Variants in ALDH2 observed in about 807,000 individuals in gnomAD.
ALDH2 encodes the protein aldehyde dehydrogenase, mitochondrial.
A neutral mutation model predicts 59.6 loss-of-function variants in ALDH2; 44 were observed. That is an observed-to-expected ratio of 0.74 (90% CI 0.58 to 0.95). The LOEUF is 0.95. Ranked by LOEUF, ALDH2 falls within the 40% of genes least tolerant of loss-of-function variation. The pLI is 0.00. For synonymous variants in ALDH2, 291 were observed against 284.0 expected (o/e 1.02, Z -0.25); for missense variants, 570 against 696.3 (o/e 0.82, Z 2.04).
chr12:111,792,806 T>G, intron 9 of ALDH2, 24 bp downstream of exon 9: 1 of 1,538,424 alleles, frequency 6.5e-7, no homozygotes, highest in Non-Finnish European at 8.7e-7. Context: ...TGCCGCAGGG[T>G]CTGGGTGTCT....
At chr12:111,797,310 A>G (rs2068412976) in intron 9 of ALDH2, among the ~76,000 whole-genome samples, 1 of 152,216 alleles carries the variant, frequency 6.6e-6, no homozygotes, top group South Asian at 2.1e-4. Context: ...TAGTGATGAC[A>G]ATATACTGGA....
intron 1 of ALDH2, among the ~76,000 whole-genome samples, chr12:111,771,834 C>G (rs899575817): frequency 1.3e-5 from 2 of 152,106 alleles, no homozygotes; most frequent in Admixed American, 1.3e-4. Context: ...CACGGTGGCT[C>G]ACGCCTGTAA....
intron 1 of ALDH2, among the ~76,000 whole-genome samples, chr12:111,781,262 A>G (rs1314907580): frequency 2.0e-5 from 3 of 152,174 alleles, no homozygotes; most frequent in African/African-American, 7.2e-5. Flanking sequence ...CTCTGGACTG[A>G]GCCTGTGACT....
intron 1 of ALDH2, among the ~76,000 whole-genome samples, chr12:111,775,411 C>T (rs1296931295): frequency 6.6e-6 from 1 of 152,198 alleles, no homozygotes; most frequent in Non-Finnish European, 1.5e-5. Context: ...CCTCTCCTCA[C>T]CAGGACTTCA....
At chr12:111,792,370 C>A (rs1317764375) in intron 8 of ALDH2, among the ~76,000 whole-genome samples, 1 of 152,252 alleles carries the variant, frequency 6.6e-6, no homozygotes, top group Non-Finnish European at 1.5e-5. Context: ...CATCATCAGG[C>A]TAGGCCACGC....
At chr12:111,797,703 G>T (rs1441557518) in intron 9 of ALDH2, among the ~76,000 whole-genome samples, 1 of 152,088 alleles carries the variant, frequency 6.6e-6, no homozygotes, top group Non-Finnish European at 1.5e-5. Context: ...AAATAGCTGG[G>T]CCAAAGGATC....
chr12:111,800,550 G>A (rs934407106), intron 11 of ALDH2, among the ~76,000 whole-genome samples: 102 of 152,154 alleles, frequency 6.7e-4, no homozygotes, highest in Non-Finnish European at 2.2e-4. Context: ...TCTGCCTCCT[G>A]AGTAGCTGGG....
At chr12:111,809,491 A>G (rs2068520263) in intron 12 of ALDH2, 52 bp from the exon 13 acceptor site, 3 of 1,609,196 alleles carry the variant, frequency 1.9e-6, no homozygotes, top group African/African-American at 2.7e-5. Context: ...GAGGGGACCT[A>G]CAGATCACAG....
intron 1 of ALDH2, among the ~76,000 whole-genome samples, chr12:111,767,716 C>T (rs2068169851): frequency 6.6e-6 from 1 of 152,204 alleles, no homozygotes; most frequent in Non-Finnish European, 1.5e-5. Flanking sequence ...AGGAGCTTTC[C>T]AGGATAAAAC....
rs777131735 is a variant in ALDH2, at chr12:111,790,526, C to T, written c.645C>T (p.Pro215=). The change falls in exon 6 of 13, where the codon CCC becomes CCT. Residue 215 remains proline, a synonymous_variant. Transcript: ENST00000261733. The part of the protein sequence containing the change: ...VVVMKVAEQT[P]LTALYVANLI... ...TGATGAAGGTAGCTGAGCAGACACC[C>T]CTCACCGCCCTCTATGTGGCCAACC... is the stretch of plus-strand genomic sequence containing the variant. 6.2e-7 allele frequency: 1 copy of T among 1,614,094 alleles called. No individual in the cohort carries two copies. The highest frequency in any genetic ancestry group is 1.1e-5 in the South Asian group (1 of 91,076).
chr12:111,772,659 CCT>C (rs1447819615), intron 1 of ALDH2, among the ~76,000 whole-genome samples: 3 of 148,292 alleles, frequency 2.0e-5, no homozygotes, highest in Non-Finnish European at 4.4e-5. Context: ...CTGCACCTGG[CCT>C]CTTTTTTTTT....
Position 111,813,972 on chromosome 12 carries a change from C to G in ALDH2, c.*4397C>G, listed in dbSNP as rs1036525736. On this transcript the variant is annotated 3_prime_UTR_variant, in exon 13 of 13. Coordinates refer to ENST00000261733, the MANE Select transcript of ALDH2 (RefSeq NM_000690.4). The stretch of plus-strand genomic sequence containing the variant: ...TCAGGCCAGGTGCAGTGGCTCACAC[C>G]CGTAATCCCAGCACTTTGGGAGGCC... The G allele has an allele frequency of 6.6e-6, 1 of 152,324 alleles. No individual in the cohort carries two copies. The highest frequency in any genetic ancestry group is 2.4e-5 in the African/African-American group (1 of 41,450). 9.4% of individuals were successfully genotyped at this position (152,324 alleles called of 1,614,324 possible). A position where few individuals can be genotyped will look rare whatever the true frequency, so the allele number is the denominator to read the frequency against.
rs1193298969 is a variant in ALDH2, at chr12:111,814,926, AC to A, written c.*5352del. On this transcript the variant is annotated 3_prime_UTR_variant, in exon 13 of 13. Coordinates refer to ENST00000261733, the MANE Select transcript of ALDH2 (RefSeq NM_000690.4). ...CCCAGAGCTGGTCAGGGGAACTTGG[AC>A]AAACCACACAACTTCTGAGCTTCCA... The A allele has an allele frequency of 6.6e-6, 1 of 152,110 alleles. No homozygotes were observed. Among genetic ancestry groups the A allele is most frequent in the Non-Finnish European group, 1.5e-5 (1 of 68,044 alleles). The allele number at this position is 152,110 out of a possible 1,614,324, so 9.4% of individuals were successfully genotyped here.
chr12:111,794,498 C>T (rs192821881), intron 9 of ALDH2, among the ~76,000 whole-genome samples: 1 of 152,112 alleles, frequency 6.6e-6, no homozygotes, highest in African/African-American at 2.4e-5. Flanking sequence ...GTTATGTGCC[C>T]AACATCCCCC....
intron 4 of ALDH2, among the ~76,000 whole-genome samples, chr12:111,786,534 CGATT>C (rs1275805667): frequency 6.7e-6 from 1 of 148,682 alleles, no homozygotes; most frequent in East Asian, 2.0e-4. Context: ...CCACGCCTGG[CGATT>C]GATTGATAAT....
At chr12:111,793,585 G>GT (rs35264878) in intron 9 of ALDH2, among the ~76,000 whole-genome samples, 26,273 of 147,536 alleles carry the variant, frequency 0.18, 2,335 homozygotes, top group Middle Eastern at 0.27. Context: ...GTATATTCGG[G>GT]TTTTTTTTTT....
intron 10 of ALDH2, among the ~76,000 whole-genome samples, chr12:111,798,726 G>C (rs920753152): frequency 6.6e-6 from 1 of 152,082 alleles, no homozygotes. Context: ...TTTAGTACAG[G>C]CTGGGTGCAG....
intron 2 of ALDH2, 51 bp from the exon 3 acceptor site, chr12:111,783,107 T>C: frequency 1.3e-6 from 2 of 1,583,614 alleles, no homozygotes; most frequent in Non-Finnish European, 1.7e-6. Flanking sequence ...TGGTTATTAC[T>C]GAGAAGACCT....
intron 1 of ALDH2, among the ~76,000 whole-genome samples, chr12:111,771,291 G>A (rs1284942213): frequency 1.3e-5 from 2 of 152,060 alleles, no homozygotes; most frequent in Non-Finnish European, 2.9e-5. Flanking sequence ...CAGCTACTTG[G>A]GCGGCTGAGG....
Sources: allele counts gnomAD v4.1 joint callset (sites outside exome capture counted in the v4.1 genomes callset), GRCh38; gene constraint gnomAD v4.1.1; transcripts MANE v1.5; gene names NCBI Gene and HGNC (gene_info 2026-07-23, HGNC 2026-07-21).